SHPRH: variants seen among roughly 807,000 people sequenced by gnomAD.
The protein encoded by SHPRH is SNF2 histone linker PHD RING helicase, also known as E3 ubiquitin-protein ligase SHPRH.
In SHPRH, 106 loss-of-function variants were observed where a neutral mutation model predicts 202.5. That is an observed-to-expected ratio of 0.52 (90% confidence interval 0.45 to 0.62). SHPRH has a LOEUF of 0.62. Among genes scored for constraint, SHPRH ranks in the 20% least tolerant of loss-of-function variants. SHPRH has a pLI of 0.00. For missense variants in SHPRH, 1,710 were observed against 2,020.0 expected (o/e 0.85, Z 2.94); for synonymous variants, 729 against 686.0 (o/e 1.06, Z -0.98).
In SHPRH at chr6:145,954,720, A is replaced by G. The variant is rs1234564237; in HGVS notation, c.603T>C (p.Tyr201=). ...TAATGTGATTTCCTTCTGGTTTCTG[A>G]TAGAGTTTTATTCTTCTCTTCTTTT... The part of the protein sequence containing the change: ...WLQKKRRIKL[Y]QKPEGNHIIK... The change falls in exon 2 of 30, where the codon TAT becomes TAC. Residue 201 remains tyrosine, a synonymous_variant. Transcript: ENST00000275233. 3.8e-6 allele frequency: 6 copies of G among 1,593,272 alleles called. No homozygotes were observed. The highest frequency in any genetic ancestry group is 1.4e-5 in the African/African-American group (1 of 73,252).
downstream of SHPRH, among the ~76,000 whole-genome samples, chr6:145,863,845 G>A (rs77159039): frequency 2.6e-5 from 4 of 152,140 alleles, no homozygotes; most frequent in Admixed American, 1.3e-4. Context: ...TAAGGAGCTG[G>A]CTGTCAGAAA....
chr6:145,926,355 C>T (rs1352289920), intron 15 of SHPRH, 59 bp from the exon 16 acceptor site: 1 of 1,384,648 alleles, frequency 7.2e-7, no homozygotes, highest in Admixed American at 1.7e-5. Context: ...CTGAAGAGAA[C>T]CTAATATTAA....
chr6:145,947,572 C>T lies in SHPRH; in HGVS notation c.1133G>A (p.Gly378Glu). The change falls in exon 6 of 30, where the codon GGA (glycine) becomes GAA (glutamate). Residue 378 changes from glycine to glutamate, a missense_variant. Transcript: ENST00000275233. Reference protein sequence around the residue: ...GGILADEMGLGKTVEVLALIL... With the variant: ...GGILADEMGLEKTVEVLALIL... ...CAGAGCCAAAACCTCCACTGTCTTTCCAAGACCCATCTCATCTGCTAAAAT... is the reference window on the plus strand; with the variant it reads ...CAGAGCCAAAACCTCCACTGTCTTTTCAAGACCCATCTCATCTGCTAAAAT... 5 of 1,612,948 alleles carry T rather than the reference C, an allele frequency of 3.1e-6. No homozygotes were observed. Among genetic ancestry groups the T allele is most frequent in the Non-Finnish European group, 4.2e-6 (5 of 1,179,334 alleles).
At chr6:145,862,753 A>T (rs1779626770), downstream of SHPRH, 1 of 152,198 alleles carries the variant, frequency 6.6e-6, no homozygotes, top group South Asian at 2.1e-4. Flanking sequence ...CAGTATTTTC[A>T]TGTCTGTGAA....
intron 20 of SHPRH, 98 bp from the exon 21 acceptor site, chr6:145,921,490 G>T: frequency 8.1e-7 from 1 of 1,236,894 alleles, no homozygotes; most frequent in Non-Finnish European, 1.1e-6. Context: ...CAAGTCTTTG[G>T]AAAAACCAAA....
At chr6:145,863,592 A>C (rs956920812), downstream of SHPRH, among the ~76,000 whole-genome samples, 35 of 152,322 alleles carry the variant, frequency 2.3e-4, no homozygotes, top group African/African-American at 7.7e-4. Flanking sequence ...GGTGCACAGA[A>C]GTTGAGAGGA....
Position 145,927,235 on chromosome 6 carries a change from C to T in SHPRH, c.3155G>A (p.Arg1052His), listed in dbSNP as rs780409165. The T allele has an allele frequency of 8.7e-6, 14 of 1,611,968 alleles. No homozygotes were observed. The highest frequency in any genetic ancestry group is 6.7e-5 in the East Asian group (3 of 44,710). ...LAAELYREVL[R>H]SSEEHKGKLK... ...TTTTCCTTTGTGTTCCTCCGAGGAGCGCAACACTTCTCTGTACAATTCTGC... is the reference window on the plus strand; with the variant it reads ...TTTTCCTTTGTGTTCCTCCGAGGAGTGCAACACTTCTCTGTACAATTCTGC... The change falls in exon 15 of 30, where the codon CGC becomes CAC. Residue 1052 changes from arginine to histidine, a missense_variant. Physicochemically the swap from Arg to His is conservative, Grantham distance 29. Around this residue, in one of 8 missense-constraint regions of SHPRH, gnomAD observed 288 missense variants for 317.8 expected, o/e 0.91. Coordinates refer to ENST00000275233, the MANE Select transcript of SHPRH (RefSeq NM_001042683.3).
At chr6:145,922,189 A>C in intron 20 of SHPRH, 97 bp downstream of exon 20, 2 of 1,016,800 alleles carry the variant, frequency 2.0e-6, no homozygotes, top group Non-Finnish European at 2.9e-6. Flanking sequence ...AATATAATAA[A>C]GGTTACTGTG....
intron 2 of SHPRH, among the ~76,000 whole-genome samples, chr6:145,879,166 CAT>C (rs1158532219): frequency 6.6e-6 from 1 of 152,132 alleles, no homozygotes; most frequent in East Asian, 1.9e-4. Flanking sequence ...TGTTGTGAGC[CAT>C]AGTTATCATA....
At chr6:145,929,603 T>C (rs192091842) in intron 14 of SHPRH, among the ~76,000 whole-genome samples, 1 of 152,166 alleles carries the variant, frequency 6.6e-6, no homozygotes, top group Admixed American at 6.5e-5. Context: ...GCAAATCTAT[T>C]ACAATTAAGT....
chr6:145,864,003 C>T (rs1779663916), downstream of SHPRH, among the ~76,000 whole-genome samples: 1 of 152,214 alleles, frequency 6.6e-6, no homozygotes, highest in African/African-American at 2.4e-5. Context: ...TAATTTGCAT[C>T]ATGTGAGTGT....
At chr6:145,934,198 G>A (rs1010675374) in intron 13 of SHPRH, among the ~76,000 whole-genome samples, 3 of 151,924 alleles carry the variant, frequency 2.0e-5, no homozygotes, top group African/African-American at 4.8e-5. Context: ...CAGGCCGGGC[G>A]TGGTGGCTCA....
chr6:145,928,466 T>TA (rs1307213272), intron 14 of SHPRH, among the ~76,000 whole-genome samples: 4 of 151,376 alleles, frequency 2.6e-5, no homozygotes, highest in African/African-American at 7.3e-5. Context: ...TACTTTCTTT[T>TA]AAAAAAAAAC....
chr6:145,933,249 T>C (rs765645590), intron 13 of SHPRH, 71 bp from the exon 14 acceptor site: 4 of 1,607,486 alleles, frequency 2.5e-6, no homozygotes, highest in South Asian at 1.1e-5. Context: ...GAGTGTTATA[T>C]CTCACATGAT....
At chr6:145,933,200 T>C in intron 13 of SHPRH, 22 bp from the exon 14 acceptor site, 3 of 1,613,574 alleles carry the variant, frequency 1.9e-6, no homozygotes, top group Non-Finnish European at 2.5e-6. Flanking sequence ...GGTAGACTGT[T>C]CAAAACTAGA....
At position 145,943,296 on chromosome 6, in the gene SHPRH, A is replaced by C. The variant is rs778792519; in HGVS notation, c.2085T>G (p.Asn695Lys). The C allele has an allele frequency of 4.4e-5, 71 of 1,613,552 alleles. No individual in the cohort carries two copies. The Admixed American group carries it at 7.9e-4, about 18-fold the overall frequency. Reference protein sequence around the residue: ...HAKCVNYDEKNLKIKPFYCPH... With the variant: ...HAKCVNYDEKKLKIKPFYCPH... ...GGCAGTAAAAAGGCTTGATCTTCAG[A>C]TTTTTCTCATCATAATTCACACACT... The change falls in exon 9 of 30, where the codon AAT (asparagine) becomes AAG (lysine). Residue 695 changes from asparagine (N) to lysine (K), a missense_variant. Physicochemically the swap from Asn to Lys is moderately conservative, Grantham distance 94. This residue lies in a region of SHPRH where 277 missense variants were observed against 363.0 expected (regional missense o/e 0.76). Transcript: ENST00000275233.
intron 17 of SHPRH, 50 bp downstream of exon 17, chr6:145,924,689 A>G: frequency 6.4e-7 from 1 of 1,552,672 alleles, no homozygotes; most frequent in East Asian, 2.3e-5. Context: ...CAAAACTCAA[A>G]ATGATATCTG....
downstream of SHPRH, among the ~76,000 whole-genome samples, chr6:145,880,317 A>C (rs1392423260): frequency 6.6e-6 from 1 of 152,166 alleles, no homozygotes; most frequent in Non-Finnish European, 1.5e-5. Context: ...TTCTTGACCC[A>C]TAACTGCCAA....
At chr6:145,909,383 T>C (rs1490056172) in intron 25 of SHPRH, 1 of 152,072 alleles carries the variant, frequency 6.6e-6, no homozygotes, top group Non-Finnish European at 1.5e-5. Context: ...GTGGAATGAA[T>C]GGATGAATGC....
Sources: allele counts gnomAD v4.1 joint callset (sites outside exome capture counted in the v4.1 genomes callset), GRCh38; gene constraint gnomAD v4.1.1; regional missense constraint gnomAD v4.1.1; transcripts MANE v1.5; gene names NCBI Gene and HGNC (gene_info 2026-07-23, HGNC 2026-07-21).